AGBL4: variants seen among roughly 807,000 people sequenced by gnomAD.
AGBL4 encodes cytosolic carboxypeptidase 6.
AGBL4 carries 58 observed loss-of-function variants against 66.4 expected under a neutral mutation model. The observed-to-expected ratio is 0.87, with a 90% CI of 0.71 to 1.09. AGBL4 has a LOEUF of 1.09. Ranked by LOEUF, AGBL4 falls within the 50% of genes least tolerant of loss-of-function variation. The pLI, the probability that AGBL4 is intolerant of heterozygous loss-of-function variation, is 0.00. For missense variants in AGBL4, 579 were observed against 631.0 expected (o/e 0.92, Z 0.88); for synonymous variants, 234 against 222.9 (o/e 1.05, Z -0.44).
intron 5 of AGBL4, among the ~76,000 whole-genome samples, chr1:48,879,732 A>G (rs987097090): frequency 6.6e-6 from 1 of 152,110 alleles, no homozygotes; most frequent in Non-Finnish European, 1.5e-5. Flanking sequence ...ATTTAACTCC[A>G]TTTTAGAGAT....
intron 4 of AGBL4, among the ~76,000 whole-genome samples, chr1:49,207,586 C>CTTTCTT (rs1553166453): frequency 8.0e-4 from 85 of 105,804 alleles, no homozygotes; most frequent in Non-Finnish European, 1.4e-3. Context: ...TTCTTTCTTT[C>CTTTCTT]TTTCTTTCTT....
chr1:49,453,086 T>G lies in AGBL4; in HGVS notation c.283-207222A>C, dbSNP rs554997565. On this transcript the variant is annotated intron_variant, in intron 3 of 13. Coordinates refer to ENST00000371839, the MANE Select transcript of AGBL4 (RefSeq NM_032785.4). The stretch of plus-strand genomic sequence containing the variant: ...GGCAAGGGGAAGTGCTTAATAAATG[T>G]TTATGAATGAAAGGCAAATGACTGA... Among the ~76,000 whole-genome samples, 187 of 152,014 alleles carry G rather than the reference T, an allele frequency of 1.2e-3. 3 individuals carry two copies. Among genetic ancestry groups the G allele is most frequent in the Non-Finnish European group, 2.0e-3 (138 of 67,902 alleles).
chr1:48,711,593 C>T (rs1241865661), intron 6 of AGBL4, among the ~76,000 whole-genome samples: 2 of 152,128 alleles, frequency 1.3e-5, no homozygotes, highest in Admixed American at 6.5e-5. Flanking sequence ...GCTGCTCACC[C>T]CCGGGGCTGG....
chr1:49,699,282 A>C (rs1647043630), intron 2 of AGBL4, among the ~76,000 whole-genome samples: 1 of 152,026 alleles, frequency 6.6e-6, no homozygotes, highest in African/African-American at 2.4e-5. Context: ...TACTCTGTTG[A>C]CCTTCTTCAT....
At chr1:49,603,034 A>G (rs1319490179) in intron 3 of AGBL4, among the ~76,000 whole-genome samples, 3 of 152,064 alleles carry the variant, frequency 2.0e-5, no homozygotes, top group Non-Finnish European at 4.4e-5. Flanking sequence ...TGGAGGATAA[A>G]AAAGATTAGC....
intron 1 of AGBL4, among the ~76,000 whole-genome samples, chr1:49,970,708 A>ACAC (rs1657992273): frequency 0.011 from 1,270 of 114,006 alleles, 30 homozygotes; most frequent in African/African-American, 0.039. Flanking sequence ...AAAAAAACAA[A>ACAC]ACACACACAC....
intron 3 of AGBL4, among the ~76,000 whole-genome samples, chr1:49,657,987 C>A (rs536635615): frequency 2.4e-4 from 37 of 152,122 alleles, no homozygotes; most frequent in Middle Eastern, 3.4e-3. Flanking sequence ...CAATGGCAAC[C>A]AAAGACAAAA....
chr1:49,721,064 A>T (rs1232428529), intron 2 of AGBL4, among the ~76,000 whole-genome samples: 3 of 152,122 alleles, frequency 2.0e-5, no homozygotes, highest in Non-Finnish European at 4.4e-5. Context: ...GTAGCTAGCA[A>T]GGGGATTGTA....
At chr1:49,834,343 C>G (rs1207883447) in intron 2 of AGBL4, among the ~76,000 whole-genome samples, 1 of 152,156 alleles carries the variant, frequency 6.6e-6, no homozygotes, top group Non-Finnish European at 1.5e-5. Context: ...TTATCCATTT[C>G]TTCTAGATAT....
At chr1:49,371,240 G>GATACATAC (rs1284939033) in intron 3 of AGBL4, among the ~76,000 whole-genome samples, 2 of 136,024 alleles carry the variant, frequency 1.5e-5, no homozygotes, top group African/African-American at 6.2e-5. Flanking sequence ...TAGATAGATA[G>GATACATAC]ATAGATAGAT....
intron 3 of AGBL4, among the ~76,000 whole-genome samples, chr1:49,334,207 TAG>T (rs1457618380): frequency 1.3e-5 from 2 of 148,458 alleles, no homozygotes; most frequent in African/African-American, 5.3e-5. Context: ...TTTAAGTACG[TAG>T]ATAAGGAAAC....
At chr1:49,948,568 T>TAGAGAGAG (rs1205762791) in intron 1 of AGBL4, among the ~76,000 whole-genome samples, 12 of 70,476 alleles carry the variant, frequency 1.7e-4, no homozygotes, top group Non-Finnish European at 3.4e-4. Context: ...TATAAAAATA[T>TAGAGAGAG]ATATATATAT....
At chr1:48,929,980 T>A (rs1294342536) in intron 5 of AGBL4, among the ~76,000 whole-genome samples, 3 of 152,158 alleles carry the variant, frequency 2.0e-5, no homozygotes, top group African/African-American at 7.2e-5. Flanking sequence ...GGGCAGGACT[T>A]GTCTCCTGCC....
chr1:48,747,037 G>A (rs1170894508), intron 6 of AGBL4, among the ~76,000 whole-genome samples: 2 of 152,224 alleles, frequency 1.3e-5, no homozygotes, highest in African/African-American at 4.8e-5. Flanking sequence ...CACTACCGAT[G>A]TTGGCAATTT....
chr1:48,776,832 G>C (rs957444701), intron 6 of AGBL4: 2 of 1,500,232 alleles, frequency 1.3e-6, no homozygotes. Context: ...AGGCGTACAT[G>C]GTGGGCGCCG....
intron 5 of AGBL4, among the ~76,000 whole-genome samples, chr1:48,967,947 C>T (rs1226388057): frequency 2.6e-5 from 4 of 152,038 alleles, no homozygotes; most frequent in Non-Finnish European, 4.4e-5. Context: ...TTAACTGACT[C>T]GACTTTGTTG....
At chr1:48,986,298 G>A (rs942498795) in intron 5 of AGBL4, among the ~76,000 whole-genome samples, 2 of 152,024 alleles carry the variant, frequency 1.3e-5, no homozygotes, top group South Asian at 2.1e-4. Flanking sequence ...AACTAAAACT[G>A]GCTGATTAAA....
intron 7 of AGBL4, among the ~76,000 whole-genome samples, chr1:48,660,577 C>T (rs569512170): frequency 2.0e-5 from 3 of 152,000 alleles, no homozygotes; most frequent in Non-Finnish European, 4.4e-5. Context: ...AGCTGAGACA[C>T]CCTTAGAAAA....
chr1:49,849,510 T>C (rs996643273), intron 2 of AGBL4, among the ~76,000 whole-genome samples: 2 of 148,468 alleles, frequency 1.3e-5, no homozygotes, highest in African/African-American at 5.0e-5. Context: ...CACACACACA[T>C]ACATACATTA....
Sources: gnomAD v4.1 joint callset for allele counts (sites outside exome capture counted in the v4.1 genomes callset) on GRCh38, gnomAD v4.1.1 for gene constraint, MANE v1.5 for transcripts, NCBI Gene and HGNC (gene_info 2026-07-23, HGNC 2026-07-21) for gene names.